Variants in TRAPPC10 observed in about 807,000 individuals in gnomAD.
TRAPPC10 encodes TRAPP 130 kDa subunit.
In TRAPPC10, 23 loss-of-function variants were observed where a neutral mutation model predicts 125.5. The observed-to-expected ratio is 0.18, with a 90% CI of 0.13 to 0.26. The LOEUF is 0.26. Ranked by LOEUF, TRAPPC10 falls within the 10% of genes least tolerant of loss-of-function variation. The pLI is 1.00. For missense variants in TRAPPC10, 1,123 were observed against 1,308.4 expected (o/e 0.86, Z 2.19); for synonymous variants, 509 against 518.0 (o/e 0.98, Z 0.24).
intron 13 of TRAPPC10, among the ~76,000 whole-genome samples, chr21:44,081,222 A>G (rs1431748328): frequency 6.6e-6 from 1 of 151,808 alleles, no homozygotes. Context: ...GTGCAGTGGC[A>G]TGATTGTAGC....
chr21:44,047,158 A>G (rs1052300023), intron 3 of TRAPPC10: 13 of 416,504 alleles, frequency 3.1e-5, no homozygotes, highest in Middle Eastern at 3.3e-4. Flanking sequence ...TGGGGTTTAT[A>G]GTTTTGATTT....
chr21:44,046,202 A>G lies in TRAPPC10; in HGVS notation c.286-6078A>G, dbSNP rs569315058. 7.1e-4 allele frequency: 136 copies of G among 192,162 alleles called. 3 individuals are homozygous for G. The highest frequency in any genetic ancestry group is 4.1e-3 in the Middle Eastern group (8 of 1,962). The allele number at this position is 192,162 out of a possible 1,614,324, so 11.9% of individuals were successfully genotyped here. ...AATGTAGAAATTTGGTTGGTTGGAA[A>G]GCTAATTAAACTTCTAACTTGCTTA... On this transcript the variant is annotated intron_variant, in intron 3 of 22. Transcript: ENST00000291574.
At chr21:44,042,029 T>C (rs893898415) in intron 3 of TRAPPC10, among the ~76,000 whole-genome samples, 7 of 152,162 alleles carry the variant, frequency 4.6e-5, no homozygotes, top group African/African-American at 1.7e-4. Flanking sequence ...TTATTTCTTA[T>C]TTTGTATATT....
At chr21:44,094,746 C>G (rs2038812311) in intron 20 of TRAPPC10, among the ~76,000 whole-genome samples, 1 of 152,134 alleles carries the variant, frequency 6.6e-6, no homozygotes, top group Admixed American at 6.5e-5. Flanking sequence ...TGAGTAGATA[C>G]AGGTGTGTGC....
chr21:44,073,769 G>A (rs1411256392), intron 7 of TRAPPC10, among the ~76,000 whole-genome samples: 1 of 152,146 alleles, frequency 6.6e-6, no homozygotes, highest in Admixed American at 6.5e-5. Flanking sequence ...TAAATATACT[G>A]TCTTTATCAC....
At chr21:44,054,111 A>G (rs553341933) in intron 4 of TRAPPC10, among the ~76,000 whole-genome samples, 21 of 152,198 alleles carry the variant, frequency 1.4e-4, no homozygotes, top group Non-Finnish European at 3.1e-4. Context: ...ATAATCCTTG[A>G]GAATGCCTTA....
At chr21:44,055,524 G>A (rs1192717685) in intron 4 of TRAPPC10, among the ~76,000 whole-genome samples, 174 bp from the exon 5 acceptor site, 2 of 150,214 alleles carry the variant, frequency 1.3e-5, no homozygotes, top group Non-Finnish European at 2.9e-5. Context: ...GTTGCAGTGA[G>A]CCAAGATTGT....
Position 44,059,231 on chromosome 21 carries a change from C to T in TRAPPC10, c.790+17C>T, listed in dbSNP as rs751805666. The stretch of plus-strand genomic sequence containing the variant: ...GGGCCGGGGGTGAGTAGTGGCACTT[C>T]AGTAACGCATGCTTTTCTTAGTGTG... On this transcript the variant is annotated intron_variant, in intron 6 of 22. Transcript: ENST00000291574. The surrounding 1 kb of genome is among the most constrained non-coding windows in gnomAD (Gnocchi z 4.4). 8 of 1,555,540 alleles carry T rather than the reference C, an allele frequency of 5.1e-6. No homozygotes were observed. The highest frequency in any genetic ancestry group is 7.0e-6 in the Non-Finnish European group (8 of 1,143,296).
chr21:44,022,276 ATTTTTTTTTTT>A (rs58767563), intron 1 of TRAPPC10, among the ~76,000 whole-genome samples: 2 of 83,772 alleles, frequency 2.4e-5, no homozygotes, highest in Non-Finnish European at 4.8e-5. Context: ...GCCTGGCTAA[ATTTTTTTTTTT>A]TTTTTTTTTT....
chr21:44,088,137 C>T lies in TRAPPC10; in HGVS notation c.2769+209C>T, dbSNP rs1043081804. On this transcript the variant is annotated intron_variant, in intron 17 of 22. Coordinates refer to ENST00000291574, the MANE Select transcript of TRAPPC10 (RefSeq NM_003274.5). ...TTGCAAGGGCAGAGACAAGCCAGCT[C>T]TACCTTTCCCTCTCAGTTCCAGGGG... 39 of 583,130 alleles carry T rather than the reference C, an allele frequency of 6.7e-5. No homozygotes were observed. In the African/African-American group the frequency reaches 6.9e-4, roughly 10 times the overall value. 36.1% of individuals were successfully genotyped at this position (583,130 alleles called of 1,614,324 possible).
Position 44,075,137 on chromosome 21 carries a change from T to G in TRAPPC10, c.1284T>G (p.Ala428=). The G allele has an allele frequency of 6.2e-7, 1 of 1,614,032 alleles. No homozygotes were observed. Residue 428 remains alanine, a synonymous_variant, in exon 9 of 23, where the codon GCT becomes GCG. Transcript: ENST00000291574. ...TTGACCTTTTGGCAGGTTTGGGAGCTGAGCGACCAGAAACAGGTACTTTTT... is the reference window on the plus strand; with the variant it reads ...TTGACCTTTTGGCAGGTTTGGGAGCGGAGCGACCAGAAACAGGTACTTTTT... The part of the protein sequence containing the change: ...RTVDLLAGLG[A]ERPETANTAQ...
At chr21:44,062,602 C>T (rs1465203080) in intron 6 of TRAPPC10, 10 of 984,504 alleles carry the variant, frequency 1.0e-5, no homozygotes, top group African/African-American at 1.8e-5. Context: ...GGGCTGGGTC[C>T]ACTCCACACT....
At chr21:44,077,654 A>G (rs976106560) in intron 10 of TRAPPC10, 39 bp from the exon 11 acceptor site, 4 of 1,426,174 alleles carry the variant, frequency 2.8e-6, no homozygotes, top group African/African-American at 2.8e-5. Context: ...TCCATCATTA[A>G]AAGTTCAAGT....
At chr21:44,090,546 G>A (rs1055824542) in intron 18 of TRAPPC10, among the ~76,000 whole-genome samples, 6 of 152,176 alleles carry the variant, frequency 3.9e-5, no homozygotes, top group South Asian at 2.1e-4. Flanking sequence ...TGGGGCGGAC[G>A]TGCCCCAGTG....
chr21:44,028,103 T>C (rs1430024424), intron 1 of TRAPPC10, among the ~76,000 whole-genome samples: 1 of 150,548 alleles, frequency 6.6e-6, no homozygotes, highest in Non-Finnish European at 1.5e-5. Flanking sequence ...CCCATCGTGT[T>C]TCTTATTTGC....
At chr21:44,042,132 G>A (rs2034470034) in intron 3 of TRAPPC10, among the ~76,000 whole-genome samples, 1 of 152,090 alleles carries the variant, frequency 6.6e-6, no homozygotes, top group East Asian at 1.9e-4. Context: ...CTGATTTATC[G>A]TTAGTCTGTT....
chr21:44,045,957 T>A (rs565544948), intron 3 of TRAPPC10, among the ~76,000 whole-genome samples: 9 of 152,270 alleles, frequency 5.9e-5, no homozygotes, highest in East Asian at 1.9e-4. Flanking sequence ...GGGTTTATTT[T>A]TTTTTTCTTT....
intron 1 of TRAPPC10, among the ~76,000 whole-genome samples, chr21:44,022,168 G>A (rs1275930934): frequency 1.3e-5 from 2 of 151,662 alleles, no homozygotes; most frequent in Non-Finnish European, 2.9e-5. Context: ...GAGTGCAGTG[G>A]CACAATCTCA....
At position 44,094,108 on chromosome 21, in the gene TRAPPC10, T is replaced by G; in HGVS notation, c.3043T>G (p.Trp1015Gly). 1 of 1,614,098 alleles carries G rather than the reference T, an allele frequency of 6.2e-7. No homozygotes were observed. Among genetic ancestry groups the G allele is most frequent in the Non-Finnish European group, 8.5e-7 (1 of 1,179,988 alleles). ...QSVFFVWELK[W>G]TEEPPPSLHC... ...GGTGTTCTTCGTCTGGGAACTCAAG[T>G]GGACAGAAGAGCCTCCCCCTTCTCT... The change falls in exon 20 of 23, where the codon TGG becomes GGG. Residue 1015 changes from tryptophan to glycine, a missense_variant. Transcript: ENST00000291574.
Sources: allele counts gnomAD v4.1 joint callset (sites outside exome capture counted in the v4.1 genomes callset), GRCh38; gene constraint gnomAD v4.1.1; non-coding constraint Gnocchi (gnomAD v3.1); transcripts MANE v1.5; gene names NCBI Gene and HGNC (gene_info 2026-07-23, HGNC 2026-07-21).